The following CPNE4 variants were observed in gnomAD, a reference collection of about 807,000 sequenced individuals.
The protein encoded by CPNE4 is copine 4, also known as copine-4.
Under a neutral mutation model 67.9 loss-of-function variants are expected in CPNE4, and 25 were observed. The ratio of observed to expected loss-of-function variants is 0.37; its 90% CI spans 0.27 to 0.51. The LOEUF (loss-of-function observed/expected upper bound fraction) is 0.51. Ranked by LOEUF, CPNE4 falls within the 20% of genes least tolerant of loss-of-function variation. The probability of loss-of-function intolerance (pLI) is 0.93; values close to 1 mark genes in which losing one functional copy is unlikely to be tolerated. For missense variants in CPNE4, 464 were observed against 690.8 expected, an observed-to-expected ratio of 0.67 and a Z score of 3.68; for synonymous variants, 242 against 244.9, an observed-to-expected ratio of 0.99 and a Z score of 0.11.
At chr3:131,813,081 T>A (rs2084598701) in intron 2 of CPNE4, among the ~76,000 whole-genome samples, 1 of 152,186 alleles carries the variant, frequency 6.6e-6, no homozygotes, top group African/African-American at 2.4e-5. Context: ...GACTTAATTG[T>A]CTTTTCAACT....
At chr3:131,813,630 A>T (rs1347847327) in intron 2 of CPNE4, among the ~76,000 whole-genome samples, 1 of 152,082 alleles carries the variant, frequency 6.6e-6, no homozygotes, top group African/African-American at 2.4e-5. Context: ...AAAACATTCC[A>T]TTTTATCTAA....
At chr3:131,727,164 T>C (rs561197101) in intron 2 of CPNE4, among the ~76,000 whole-genome samples, 4 of 152,356 alleles carry the variant, frequency 2.6e-5, no homozygotes, top group Admixed American at 2.0e-4. Context: ...CTTGAACTCA[T>C]GCCTTCTGAC....
chr3:131,581,644 G>A lies in CPNE4; in HGVS notation c.802C>T (p.Pro268Ser). ...TTCTTCTTCTTGGCTTTGTACTTGG[G>A]ATTGATGCACTCCCACTGCACCTGA... ...GKQVQWECIN[P>S]KYKAKKKNYK... The change falls in exon 9 of 16, where the codon CCC (proline) becomes TCC (serine). Residue 268 changes from proline (P) to serine (S), a missense_variant. Physicochemically the swap from Pro to Ser is moderately conservative, Grantham distance 74. This residue lies in a region of CPNE4 where 26 missense variants were observed against 24.0 expected (regional missense o/e 1.08). Coordinates refer to ENST00000429747, the MANE Select transcript of CPNE4 (RefSeq NM_130808.3). 1.9e-6 allele frequency: 3 copies of A among 1,612,900 alleles called. No homozygotes were observed. Among genetic ancestry groups the A allele is most frequent in the South Asian group, 1.1e-5 (1 of 91,050 alleles).
At chr3:131,915,089 G>A (rs1353575456) in intron 1 of CPNE4, among the ~76,000 whole-genome samples, 1 of 152,144 alleles carries the variant, frequency 6.6e-6, no homozygotes, top group East Asian at 1.9e-4. Flanking sequence ...GATCAGTATT[G>A]TCAGCCTCAT....
intron 1 of CPNE4, among the ~76,000 whole-genome samples, chr3:131,915,050 T>G (rs1341031874): frequency 1.3e-5 from 2 of 152,184 alleles, no homozygotes; most frequent in African/African-American, 4.8e-5. Flanking sequence ...AACACACTGT[T>G]TTATTTATTC....
intron 15 of CPNE4, among the ~76,000 whole-genome samples, chr3:131,537,993 C>T (rs983412894): frequency 1.3e-5 from 2 of 152,182 alleles, no homozygotes; most frequent in East Asian, 3.8e-4. Context: ...TCCTTGGCCT[C>T]TACCCACTAG....
At chr3:131,653,301 C>G (rs1355520219) in intron 7 of CPNE4, among the ~76,000 whole-genome samples, 1 of 151,280 alleles carries the variant, frequency 6.6e-6, no homozygotes, top group Non-Finnish European at 1.5e-5. Context: ...CTTGCCACCA[C>G]GCCTGGCTAA....
chr3:131,667,468 G>A (rs906636947), intron 7 of CPNE4, among the ~76,000 whole-genome samples: 3 of 151,766 alleles, frequency 2.0e-5, no homozygotes, highest in South Asian at 2.1e-4. Flanking sequence ...TGTATGTGAC[G>A]GGGGTGAAAT....
chr3:132,023,031 A>G (rs2074030790), intron 1 of CPNE4, among the ~76,000 whole-genome samples: 1 of 152,254 alleles, frequency 6.6e-6, no homozygotes, highest in Admixed American at 6.5e-5. Context: ...CAGCCAGAGC[A>G]TCAAAGTGTC....
chr3:131,994,918 A>G (rs1444573491), intron 1 of CPNE4, among the ~76,000 whole-genome samples: 1 of 152,136 alleles, frequency 6.6e-6, no homozygotes, highest in Non-Finnish European at 1.5e-5. Context: ...ATGCCAAACA[A>G]TTTTTTAATA....
At chr3:131,746,982 T>C (rs2082505495) in intron 2 of CPNE4, among the ~76,000 whole-genome samples, 1 of 152,210 alleles carries the variant, frequency 6.6e-6, no homozygotes, top group South Asian at 2.1e-4. Flanking sequence ...AATGAGTAGA[T>C]AACTTATTTT....
intron 2 of CPNE4, among the ~76,000 whole-genome samples, chr3:131,759,129 G>C (rs1475048248): frequency 6.6e-6 from 1 of 152,116 alleles, no homozygotes; most frequent in Non-Finnish European, 1.5e-5. Context: ...CAAGCAAGAA[G>C]GATGGAACAA....
intron 7 of CPNE4, among the ~76,000 whole-genome samples, chr3:131,595,098 C>T (rs1272004416): frequency 6.6e-6 from 1 of 152,142 alleles, no homozygotes; most frequent in Non-Finnish European, 1.5e-5. Context: ...AAATTGGAAC[C>T]TTCGTACATT....
rs1487833730 is a variant in CPNE4, at chr3:131,991,236, G to A, written c.-2+43331C>T. On this transcript the variant is annotated intron_variant, in intron 1 of 15. Coordinates refer to ENST00000429747, the MANE Select transcript of CPNE4 (RefSeq NM_130808.3). ...AGGTTGGAAGAGTTTGGAGGGCTCAGAAGAGGACATAAAAATGTGGGAAAG... is the reference window on the plus strand; with the variant it reads ...AGGTTGGAAGAGTTTGGAGGGCTCAAAAGAGGACATAAAAATGTGGGAAAG... Among the ~76,000 whole-genome samples, 2 of 136,320 alleles carry A rather than the reference G, an allele frequency of 1.5e-5. 1 individual carries two copies. Among genetic ancestry groups the A allele is most frequent in the Non-Finnish European group, 3.3e-5 (2 of 60,092 alleles). 89.4% of individuals were successfully genotyped at this position (136,320 alleles called of 152,430 possible). A position where few individuals can be genotyped will look rare whatever the true frequency, so the allele number is the denominator to read the frequency against.
At chr3:131,992,783 T>G (rs1250949464) in intron 1 of CPNE4, among the ~76,000 whole-genome samples, 8 of 136,130 alleles carry the variant, frequency 5.9e-5, no homozygotes, top group African/African-American at 2.0e-4. Context: ...AATTTAATCA[T>G]GGAGGCAGTT....
chr3:131,648,331 C>T (rs2079718322), intron 7 of CPNE4, among the ~76,000 whole-genome samples: 1 of 152,162 alleles, frequency 6.6e-6, no homozygotes, highest in Non-Finnish European at 1.5e-5. Context: ...TGTGGTTGTG[C>T]CACAGCACTT....
intron 10 of CPNE4, among the ~76,000 whole-genome samples, chr3:131,571,059 C>A (rs1937312330): frequency 6.6e-6 from 1 of 152,014 alleles, no homozygotes; most frequent in African/African-American, 2.4e-5. Flanking sequence ...TGGGTCTCAC[C>A]TATCTCGTTA....
intron 2 of CPNE4, among the ~76,000 whole-genome samples, chr3:131,868,120 T>C (rs1271755216): frequency 6.6e-6 from 1 of 152,200 alleles, no homozygotes; most frequent in Non-Finnish European, 1.5e-5. Context: ...ATAGTCACAA[T>C]ATTCAGATGA....
chr3:131,659,728 T>C (rs1474825694), intron 7 of CPNE4, among the ~76,000 whole-genome samples: 1 of 152,198 alleles, frequency 6.6e-6, no homozygotes, highest in Non-Finnish European at 1.5e-5. Flanking sequence ...AAGGAAGGAC[T>C]GTACCCTTTG....
Sources: gnomAD v4.1 joint callset for allele counts (sites outside exome capture counted in the v4.1 genomes callset) on GRCh38, gnomAD v4.1.1 for gene constraint, gnomAD v4.1.1 regional missense constraint, MANE v1.5 for transcripts, NCBI Gene and HGNC (gene_info 2026-07-23, HGNC 2026-07-21) for gene names.